HROB: variants seen among roughly 807,000 people sequenced by gnomAD.
HROB encodes the protein homologous recombination factor with OB-fold.
A neutral mutation model predicts 61.0 loss-of-function variants in HROB; 44 were observed. The ratio of observed to expected loss-of-function variants is 0.72; its 90% confidence interval spans 0.57 to 0.93. The LOEUF (loss-of-function observed/expected upper bound fraction) is 0.93. Among genes scored for constraint, HROB ranks in the 40% least tolerant of loss-of-function variants. HROB has a pLI of 0.00. For synonymous variants in HROB, 301 were observed against 310.4 expected (o/e 0.97, Z 0.32); for missense variants, 716 against 796.2 (o/e 0.90, Z 1.21).
At chr17:44,161,797 C>G in intron 9 of HROB, 74 bp from the exon 10 acceptor site, 1 of 1,529,964 alleles carries the variant, frequency 6.5e-7, no homozygotes, top group Non-Finnish European at 9.1e-7. Context: ...TCCTGAAGGG[C>G]AGAAACTTTG....
In HROB at chr17:44,155,328, G is replaced by C. The variant is rs200296668; in HGVS notation, c.1687G>C (p.Val563Leu). ...SPSLRNHYLN[V>L]TPNNLVHIYS... ...TTCACTTCGAAATCACTACCTCAAC[G>C]TGACACCCAACAACCTGGTCCATAT... The change falls in exon 8 of 10, where the codon GTG becomes CTG. Residue 563 changes from valine to leucine, a missense_variant. Val to Leu is a conservative substitution (Grantham distance 32). Coordinates refer to ENST00000585683, the MANE Select transcript of HROB (RefSeq NM_001171251.3). The C allele has an allele frequency of 6.8e-6, 11 of 1,614,102 alleles. No individual in the cohort carries two copies. The Admixed American group carries it at 1.7e-4, about 24-fold the overall frequency.
At position 44,148,946 on chromosome 17, in the gene HROB, G is replaced by GAC; in HGVS notation, c.1146_1147dup (p.Pro383HisfsTer74). The GAC allele has an allele frequency of 1.2e-6, 2 of 1,614,038 alleles. No individual in the cohort carries two copies. The highest frequency in any genetic ancestry group is 1.7e-6 in the Non-Finnish European group (2 of 1,179,986). On this transcript the variant is annotated frameshift_variant, in exon 3 of 10. Coordinates refer to ENST00000585683, the MANE Select transcript of HROB (RefSeq NM_001171251.3). LOFTEE classifies it high-confidence loss of function. ...TGCAGCTAGTCACTGCTGCCAGCCG[G>GAC]ACACCCCAGCAGCCCACCCATCCCT... is the stretch of plus-strand genomic sequence containing the variant.
chr17:44,161,765 CT>C, intron 9 of HROB, 105 bp from the exon 10 acceptor site: 2 of 1,255,850 alleles, frequency 1.6e-6, no homozygotes, highest in Non-Finnish European at 2.3e-6. Flanking sequence ...GCCTGCCCAG[CT>C]ATACAGCCAG....
intron 5 of HROB, among the ~76,000 whole-genome samples, chr17:44,153,639 G>A (rs1160397897): frequency 2.0e-5 from 3 of 152,214 alleles, no homozygotes. Flanking sequence ...TAGCTACTCA[G>A]GAGGCTGAGG....
At chr17:44,161,134 C>T (rs778028191) in intron 9 of HROB, among the ~76,000 whole-genome samples, 2 of 150,492 alleles carry the variant, frequency 1.3e-5, no homozygotes, top group African/African-American at 2.5e-5. Flanking sequence ...ACCCAGGAGG[C>T]GGAGCTTGCA....
chr17:44,148,261 C>T lies in HROB; in HGVS notation c.458C>T (p.Pro153Leu). The T allele has an allele frequency of 6.2e-7, 1 of 1,614,152 alleles. No homozygotes were observed. Among genetic ancestry groups the T allele is most frequent in the Non-Finnish European group, 8.5e-7 (1 of 1,180,030 alleles). The change falls in exon 3 of 10, where the codon CCT (proline) becomes CTT (leucine). Residue 153 changes from proline to leucine, a missense_variant. Pro to Leu is a moderately conservative substitution (Grantham distance 98). Transcript: ENST00000585683. The stretch of plus-strand genomic sequence containing the variant: ...CAGCAAGTTGGTGGCTTTGAGGGGC[C>T]TGAACAAGACGAATTTGATAAAGTC... ...QQQQVGGFEG[P>L]EQDEFDKVLA...
Position 44,154,390 on chromosome 17 carries a change from G to A in HROB, c.1450-166G>A, listed in dbSNP as rs1003839953. ...AGAAATGAAGGACCTCCCAGCTCTAGGTCTGTCAGAGAGAGATGGGGTACC... is the reference window on the plus strand; with the variant it reads ...AGAAATGAAGGACCTCCCAGCTCTAAGTCTGTCAGAGAGAGATGGGGTACC... On this transcript the variant is annotated intron_variant, in intron 5 of 9. Transcript: ENST00000585683. 9 of 617,940 alleles carry A rather than the reference G, an allele frequency of 1.5e-5. No individual in the cohort carries two copies. The Admixed American group carries it at 2.6e-4, about 18-fold the overall frequency. The allele number at this position is 617,940 out of a possible 1,614,324, so 38.3% of individuals were successfully genotyped here.
At position 44,149,178 on chromosome 17, in the gene HROB, G is replaced by T. The variant is rs73314461; in HGVS notation, c.1224+151G>T. 866 of 855,448 alleles carry T rather than the reference G, an allele frequency of 1.0e-3. 6 individuals are homozygous for T. The African/African-American group carries it at 0.014, about 14-fold the overall frequency. The allele number at this position is 855,448 out of a possible 1,614,324, so 53.0% of individuals were successfully genotyped here. A position where few individuals can be genotyped will look rare whatever the true frequency, so the allele number is the denominator to read the frequency against. ...AAGCTGCAGGAGAAATAAAAGGGAA[G>T]AACTGAATGCTAGAAAATCCACTGT... On this transcript the variant is annotated intron_variant, in intron 3 of 9. Transcript: ENST00000585683.
At chr17:44,145,776 G>A (rs1039304988) in intron 2 of HROB, among the ~76,000 whole-genome samples, 5 of 152,250 alleles carry the variant, frequency 3.3e-5, no homozygotes, top group African/African-American at 9.6e-5. Flanking sequence ...TCCAAAGCTC[G>A]CACGTTAGAA....
chr17:44,155,034 C>T (rs1292416018), intron 7 of HROB, 96 bp downstream of exon 7: 2 of 1,432,876 alleles, frequency 1.4e-6, no homozygotes, highest in African/African-American at 2.8e-5. Flanking sequence ...CAACACCAGG[C>T]ACGGAGTGGC....
chr17:44,142,898 C>G (rs548961726), intron 1 of HROB, among the ~76,000 whole-genome samples: 1 of 152,090 alleles, frequency 6.6e-6, no homozygotes, highest in African/African-American at 2.4e-5. Flanking sequence ...ATTGCAAAAT[C>G]CTTAGGCCCA....
chr17:44,143,487 CAA>C (rs959775972), intron 1 of HROB, among the ~76,000 whole-genome samples: 3 of 150,090 alleles, frequency 2.0e-5, no homozygotes, highest in African/African-American at 7.3e-5. Flanking sequence ...ACTAAAAATA[CAA>C]AAAAAAATAG....
chr17:44,150,367 C>A (rs1290804500), intron 3 of HROB, among the ~76,000 whole-genome samples: 3 of 150,334 alleles, frequency 2.0e-5, no homozygotes, highest in African/African-American at 4.9e-5. Context: ...TCATCACAGG[C>A]CTCTCAATTT....
chr17:44,154,341 T>G, intron 5 of HROB: 1 of 517,582 alleles, frequency 1.9e-6, no homozygotes, highest in Non-Finnish European at 3.5e-6. Context: ...TCTCAAAAAA[T>G]AAAAAAGAAC....
At chr17:44,151,343 T>G (rs2053798665) in intron 4 of HROB, among the ~76,000 whole-genome samples, 1 of 152,162 alleles carries the variant, frequency 6.6e-6, no homozygotes. Context: ...GTGATAAGTA[T>G]TATGAGATTG....
chr17:44,161,943 A>G lies in HROB; in HGVS notation c.*11A>G. ...GGGACCAGTAGTTGAGACTGCCCCA[A>G]CGCAGGACAACCCACCATGAGCAGG... On this transcript the variant is annotated 3_prime_UTR_variant, in exon 10 of 10. Transcript: ENST00000585683. 6.2e-7 allele frequency: 1 copy of G among 1,613,288 alleles called. No homozygotes were observed. Among genetic ancestry groups the G allele is most frequent in the Non-Finnish European group, 8.5e-7 (1 of 1,179,252 alleles).
In HROB at chr17:44,154,823, C is replaced by T. The variant is rs750502497; in HGVS notation, c.1559-30C>T. On this transcript the variant is annotated intron_variant, in intron 6 of 9. Transcript: ENST00000585683. ...CCAGTCGCTGTGCTGCCCTTGACCC[C>T]GAGACTGATGGGCCATGTGGTATTT... 2.5e-5 allele frequency: 41 copies of T among 1,612,876 alleles called. No homozygotes were observed. The African/African-American group carries it at 2.7e-4, about 11-fold the overall frequency.
At chr17:44,146,447 C>G (rs1424117496) in intron 2 of HROB, among the ~76,000 whole-genome samples, 2 of 152,174 alleles carry the variant, frequency 1.3e-5, no homozygotes, top group Non-Finnish European at 2.9e-5. Flanking sequence ...TGATTACAGG[C>G]TGAAAAAGTG....
chr17:44,154,573 TC>T lies in HROB; in HGVS notation c.1469del (p.Pro490LeufsTer10), dbSNP rs866489500. On this transcript the variant is annotated frameshift_variant, in exon 6 of 10. Coordinates refer to ENST00000585683, the MANE Select transcript of HROB (RefSeq NM_001171251.3). LOFTEE classifies it high-confidence loss of function. ...VLRKAALKQL[P>X]RNKVPNMAVM... Reference sequence around the variant, plus strand: ...GTAAGCAGGCAGCCCTGAAGCAGCTTCCTAGGAACAAGGTCCCCAACATGGC... The same window carrying T: ...GTAAGCAGGCAGCCCTGAAGCAGCTTCTAGGAACAAGGTCCCCAACATGGC... The T allele has an allele frequency of 6.2e-7, 1 of 1,613,946 alleles. No individual in the cohort carries two copies. The highest frequency in any genetic ancestry group is 8.5e-7 in the Non-Finnish European group (1 of 1,180,002).
Sources: allele counts gnomAD v4.1 joint callset (sites outside exome capture counted in the v4.1 genomes callset), GRCh38; gene constraint gnomAD v4.1.1; transcripts MANE v1.5; gene names NCBI Gene and HGNC (gene_info 2026-07-23, HGNC 2026-07-21).